SGSM3: variants seen among roughly 807,000 people sequenced by gnomAD.
SGSM3 encodes the protein RUN and SH3 containing 3.
A neutral mutation model predicts 100.5 loss-of-function variants in SGSM3; 96 were observed. The observed-to-expected ratio is 0.96, with a 90% confidence interval of 0.81 to 1.13. The LOEUF is 1.13. SGSM3 is among the 50% of genes most tolerant of loss of function. The probability of loss-of-function intolerance (pLI) is 0.00; values close to 1 mark genes in which losing one functional copy is unlikely to be tolerated. For synonymous variants in SGSM3, 483 were observed against 422.8 expected, an observed-to-expected ratio of 1.14 and a Z score of -1.75; for missense variants, 1,001 against 1,015.8, an observed-to-expected ratio of 0.99 and a Z score of 0.20.
chr22:40,404,335 G>C lies in SGSM3; in HGVS notation c.246G>C (p.Glu82Asp). Residue 82 changes from glutamate to aspartate, a missense_variant, in exon 5 of 22, where the codon GAG (glutamate) becomes GAC (aspartate). Coordinates refer to ENST00000248929, the MANE Select transcript of SGSM3 (RefSeq NM_015705.6). ...PQRLRWQAHLEFTHNHDVGDL... is the reference protein window; with the variant it reads ...PQRLRWQAHLDFTHNHDVGDL... Reference sequence around the variant, plus strand: ...GGCTGCGGTGGCAGGCCCACCTGGAGTTCACCCATAACCACGATGTGGGGG... The same window carrying C: ...GGCTGCGGTGGCAGGCCCACCTGGACTTCACCCATAACCACGATGTGGGGG... 1 of 1,594,676 alleles carries C rather than the reference G, an allele frequency of 6.3e-7. No homozygotes were observed. Among genetic ancestry groups the C allele is most frequent in the Non-Finnish European group, 8.6e-7 (1 of 1,169,322 alleles).
At chr22:40,401,360 TCTC>T (rs2050737878) in intron 2 of SGSM3, among the ~76,000 whole-genome samples, 1 of 152,112 alleles carries the variant, frequency 6.6e-6, no homozygotes, top group South Asian at 2.1e-4. Flanking sequence ...TTCAAGCTAT[TCTC>T]CTGCCTCCCG....
intron 1 of SGSM3, among the ~76,000 whole-genome samples, chr22:40,385,571 C>T (rs2048283831): frequency 1.3e-5 from 2 of 152,038 alleles, no homozygotes; most frequent in Non-Finnish European, 2.9e-5. Context: ...GGTGAAAAGC[C>T]GTTTTGACAC....
In SGSM3 at chr22:40,410,209, A is replaced by G; in HGVS notation, c.*450A>G. On this transcript the variant is annotated 3_prime_UTR_variant, in exon 22 of 22. Coordinates refer to ENST00000248929, the MANE Select transcript of SGSM3 (RefSeq NM_015705.6). Reference sequence around the variant, plus strand: ...TCTAGAAGGCACTGCGTGGCCCCTCAGATGCTGGGACACAACAGACCCGGG... The same window carrying G: ...TCTAGAAGGCACTGCGTGGCCCCTCGGATGCTGGGACACAACAGACCCGGG... 2.8e-6 allele frequency: 3 copies of G among 1,060,204 alleles called. No homozygotes were observed. The highest frequency in any genetic ancestry group is 4.5e-5 in the South Asian group (1 of 22,192). The allele number at this position is 1,060,204 out of a possible 1,614,324, so 65.7% of individuals were successfully genotyped here.
intron 17 of SGSM3, 25 bp downstream of exon 17, chr22:40,408,722 T>G: frequency 6.2e-7 from 1 of 1,613,904 alleles, no homozygotes; most frequent in Non-Finnish European, 8.5e-7. Context: ...GTTCTTCTGG[T>G]GGGGTCACCA....
chr22:40,386,514 G>T (rs2048468139), intron 1 of SGSM3, among the ~76,000 whole-genome samples: 1 of 148,162 alleles, frequency 6.7e-6, no homozygotes, highest in Admixed American at 6.8e-5. Flanking sequence ...TTCTGGTCTG[G>T]CTATGCTGCT....
chr22:40,410,137 G>A lies in SGSM3; in HGVS notation c.*378G>A. The A allele has an allele frequency of 1.8e-6, 2 of 1,124,496 alleles. No homozygotes were observed. The highest frequency in any genetic ancestry group is 2.2e-6 in the Non-Finnish European group (2 of 918,684). The allele number at this position is 1,124,496 out of a possible 1,614,324, so 69.7% of individuals were successfully genotyped here. A position where few individuals can be genotyped will look rare whatever the true frequency, so the allele number is the denominator to read the frequency against. On this transcript the variant is annotated 3_prime_UTR_variant, in exon 22 of 22. Coordinates refer to ENST00000248929, the MANE Select transcript of SGSM3 (RefSeq NM_015705.6). ...CCTACCTGTCTTCTGTGCAGCTAGG[G>A]CTGCAGAGCTGTATTCAGGTCCAAG... is the stretch of plus-strand genomic sequence containing the variant.
At chr22:40,376,859 GAC>G (rs1864624849) in intron 1 of SGSM3, among the ~76,000 whole-genome samples, 1 of 152,136 alleles carries the variant, frequency 6.6e-6, no homozygotes, top group African/African-American at 2.4e-5. Context: ...AAATGGCTGT[GAC>G]AAGCATTTAC....
chr22:40,372,979 G>T (rs2045883352), intron 1 of SGSM3: 2 of 152,214 alleles, frequency 1.3e-5, no homozygotes, highest in African/African-American at 4.8e-5. Flanking sequence ...ATAGCACAAT[G>T]AGTGTTACAG....
intron 14 of SGSM3, 64 bp from the exon 15 acceptor site, chr22:40,408,007 A>AGGCTGT: frequency 6.4e-7 from 1 of 1,554,080 alleles, no homozygotes; most frequent in Non-Finnish European, 8.8e-7. Context: ...GCCTGCCTGC[A>AGGCTGT]GGCTGTGTCT....
At chr22:40,395,124 A>G (rs1026060106) in intron 1 of SGSM3, among the ~76,000 whole-genome samples, 1 of 152,184 alleles carries the variant, frequency 6.6e-6, no homozygotes, top group Non-Finnish European at 1.5e-5. Flanking sequence ...TTTTACTGCT[A>G]TATCTCTAAC....
Position 40,409,528 on chromosome 22 carries a change from G to A in SGSM3, c.2172+3G>A. The A allele has an allele frequency of 6.2e-7, 1 of 1,603,522 alleles. No homozygotes were observed. ...GGGAGCTCCCTGCGAAGAGAGAGGT[G>A]GGTGGTGTGGGCCTCGTAGGGCCTG... On this transcript the variant is annotated splice_donor_region_variant and intron_variant, in intron 21 of 21. Transcript: ENST00000248929.
rs776443915 is a variant in SGSM3 at position 40,408,917 on chromosome 22, A to G, written c.1903-16A>G. On this transcript the variant is annotated splice_polypyrimidine_tract_variant and intron_variant, in intron 18 of 21. Transcript: ENST00000248929. The stretch of plus-strand genomic sequence containing the variant: ...TGTGGGGGAGCCTGAGTGACAGCTG[A>G]CGGTGCCGTTCCCAGGCTGTGCAGT... The G allele has an allele frequency of 2.9e-5, 47 of 1,613,496 alleles. No individual in the cohort carries two copies. In the Admixed American group the frequency reaches 7.3e-4, roughly 25 times the overall value.
intron 1 of SGSM3, among the ~76,000 whole-genome samples, chr22:40,399,976 C>T (rs745485225): frequency 2.0e-5 from 3 of 152,210 alleles, no homozygotes; most frequent in Non-Finnish European, 4.4e-5. Context: ...TTTTTGCCCC[C>T]ACACTTGTAT....
rs1179898265 is a variant in SGSM3 at position 40,377,137 on chromosome 22, A to G, written c.-112+6449A>G. Among the ~76,000 whole-genome samples the G allele has an allele frequency of 2.6e-5, 4 of 152,328 alleles. No homozygotes were observed. In the East Asian group the frequency reaches 7.7e-4, roughly 29 times the overall value. On this transcript the variant is annotated intron_variant, in intron 1 of 21. Coordinates refer to ENST00000248929, the MANE Select transcript of SGSM3 (RefSeq NM_015705.6). Reference sequence around the variant, plus strand: ...GTTGTTTTGGCCTGTCCAGCATCCAATCCAGGTTCTTCTGGGGATAACAGC... The same window carrying G: ...GTTGTTTTGGCCTGTCCAGCATCCAGTCCAGGTTCTTCTGGGGATAACAGC...
rs773305199 is a variant in SGSM3 at position 40,406,530 on chromosome 22, G to A, written c.1053G>A (p.Leu351=). The A allele has an allele frequency of 6.2e-7, 1 of 1,613,122 alleles. No individual in the cohort carries two copies. The change falls in exon 10 of 22, where the codon CTG becomes CTA. Residue 351 remains leucine (L), a synonymous_variant. Transcript: ENST00000248929. ...PSQMEDAELL[L]GVAMRLAGSL... Reference sequence around the variant, plus strand: ...AGATGGAGGACGCGGAGCTGCTTCTGGGGGTGGCCATGCGGCTGGCCGGCT... The same window carrying A: ...AGATGGAGGACGCGGAGCTGCTTCTAGGGGTGGCCATGCGGCTGGCCGGCT...
chr22:40,408,029 G>A (rs201056625), intron 14 of SGSM3, 42 bp from the exon 15 acceptor site: 11 of 1,602,808 alleles, frequency 6.9e-6, no homozygotes, highest in East Asian at 2.2e-5. Flanking sequence ...CTCTGTCCTC[G>A]GCCCTCGTGG....
At chr22:40,379,172 G>T (rs914521584) in intron 1 of SGSM3, among the ~76,000 whole-genome samples, 6 of 152,190 alleles carry the variant, frequency 3.9e-5, no homozygotes, top group African/African-American at 1.4e-4. Context: ...GACTTTCAAA[G>T]AAGGGATTTC....
intron 1 of SGSM3, among the ~76,000 whole-genome samples, chr22:40,392,871 A>G (rs1341104087): frequency 1.3e-5 from 2 of 152,114 alleles, no homozygotes; most frequent in African/African-American, 2.4e-5. Flanking sequence ...GCAACCATTC[A>G]TCTACTTTCA....
At chr22:40,409,202 G>A in intron 19 of SGSM3, 48 bp from the exon 20 acceptor site, 1 of 1,560,042 alleles carries the variant, frequency 6.4e-7, no homozygotes, top group Non-Finnish European at 8.6e-7. Flanking sequence ...GCTGCAGCCA[G>A]AAGGGCCTGG....
Sources: gnomAD v4.1 joint callset for allele counts (sites outside exome capture counted in the v4.1 genomes callset) on GRCh38, gnomAD v4.1.1 for gene constraint, MANE v1.5 for transcripts, NCBI Gene and HGNC (gene_info 2026-07-23, HGNC 2026-07-21) for gene names.